The following NRXN1 variants were observed in gnomAD, a reference collection of about 807,000 sequenced individuals.
NRXN1 encodes neurexin-1.
Under a neutral mutation model 150.9 loss-of-function variants are expected in NRXN1, and 39 were observed. The ratio of observed to expected loss-of-function variants is 0.26; its 90% CI spans 0.20 to 0.34. NRXN1 has a LOEUF of 0.34. Ranked by LOEUF, NRXN1 falls within the 10% of genes least tolerant of loss-of-function variation. NRXN1 has a pLI of 1.00. For missense variants in NRXN1, 1,815 were observed against 1,949.9 expected, an observed-to-expected ratio of 0.93 and a Z score of 1.30; for synonymous variants, 924 against 757.0, an observed-to-expected ratio of 1.22 and a Z score of -3.62.
intron 17 of NRXN1, among the ~76,000 whole-genome samples, chr2:50,349,405 T>C (rs780543427): frequency 1.3e-5 from 2 of 152,216 alleles, no homozygotes; most frequent in Non-Finnish European, 2.9e-5. Context: ...TCGTGATTAT[T>C]CGTTTTAAAA....
chr2:50,527,810 T>C (rs948276132), intron 12 of NRXN1, among the ~76,000 whole-genome samples: 2 of 152,158 alleles, frequency 1.3e-5, no homozygotes, highest in African/African-American at 4.8e-5. Context: ...CAGTGAGAGA[T>C]TAGAAATTTG....
intron 8 of NRXN1, among the ~76,000 whole-genome samples, chr2:50,599,549 A>T (rs1300322102): frequency 1.3e-5 from 2 of 152,232 alleles, no homozygotes; most frequent in African/African-American, 2.4e-5. Context: ...TTCCAAAGAC[A>T]TAATGAGTAT....
At chr2:50,799,791 T>C (rs1030886590) in intron 5 of NRXN1, among the ~76,000 whole-genome samples, 7 of 152,158 alleles carry the variant, frequency 4.6e-5, no homozygotes, top group Non-Finnish European at 8.8e-5. Context: ...CACTGGGCTG[T>C]AACTCCATGG....
intron 2 of NRXN1, among the ~76,000 whole-genome samples, chr2:50,996,050 T>C (rs1270549942): frequency 6.6e-6 from 1 of 152,202 alleles, no homozygotes; most frequent in Admixed American, 6.5e-5. Context: ...GTGGAATATC[T>C]ATGACTTTGA....
At chr2:50,943,197 C>T (rs561233574) in intron 2 of NRXN1, among the ~76,000 whole-genome samples, 42 of 152,248 alleles carry the variant, frequency 2.8e-4, no homozygotes, top group African/African-American at 9.9e-4. Flanking sequence ...CCATGAGGAA[C>T]TGTAAGTCAA....
chr2:50,150,238 C>A (rs993231211), intron 18 of NRXN1, among the ~76,000 whole-genome samples: 8 of 151,812 alleles, frequency 5.3e-5, no homozygotes, highest in Non-Finnish European at 1.0e-4. Flanking sequence ...ACAAGCACAA[C>A]AATGGATGGA....
chr2:50,267,179 C>A (rs1250466041), intron 17 of NRXN1, among the ~76,000 whole-genome samples: 2 of 152,102 alleles, frequency 1.3e-5, no homozygotes, highest in Non-Finnish European at 2.9e-5. Flanking sequence ...AAGAAAGGTA[C>A]AAGGAAAAGC....
At position 51,026,071 on chromosome 2, in the gene NRXN1, T is replaced by A. The variant is rs150719679; in HGVS notation, c.772+1431A>T. 2.5e-3 allele frequency among the ~76,000 whole-genome samples: 385 copies of A among 152,312 alleles called. 5 individuals carry two copies. The East Asian group carries it at 0.048, about 19-fold the overall frequency. On this transcript the variant is annotated intron_variant, in intron 2 of 22. Coordinates refer to ENST00000401669, the MANE Select transcript of NRXN1 (RefSeq NM_001330078.2). The stretch of plus-strand genomic sequence containing the variant: ...AATTACAAATCTTATCAAGTCTTCA[T>A]TTCTCTTAAAGTCAAGTGAGAGAGA...
chr2:50,905,104 A>C (rs1358593012), intron 5 of NRXN1, among the ~76,000 whole-genome samples: 1 of 152,014 alleles, frequency 6.6e-6, no homozygotes, highest in Non-Finnish European at 1.5e-5. Flanking sequence ...TCTTTTCCTC[A>C]TATTATCATC....
chr2:50,363,680 T>C (rs1380198912), intron 17 of NRXN1, among the ~76,000 whole-genome samples: 1 of 152,234 alleles, frequency 6.6e-6, no homozygotes, highest in Non-Finnish European at 1.5e-5. Context: ...GAAGACAGTG[T>C]GGCGATTCCT....
rs147119473 is a variant in NRXN1, at chr2:50,334,604, C to T, written c.3365-97634G>A. On this transcript the variant is annotated intron_variant, in intron 17 of 22. Transcript: ENST00000401669. ...TCCTATTTCCCAAATGGCAGGCACTCCATCACAAGGGTCTCCAAAATTCTC... is the reference window on the plus strand; with the variant it reads ...TCCTATTTCCCAAATGGCAGGCACTTCATCACAAGGGTCTCCAAAATTCTC... Among the ~76,000 whole-genome samples the T allele has an allele frequency of 7.2e-5, 11 of 152,244 alleles. No individual in the cohort carries two copies. The East Asian group carries it at 2.1e-3, about 29-fold the overall frequency.
intron 13 of NRXN1, among the ~76,000 whole-genome samples, chr2:50,505,793 C>A (rs1413865168): frequency 1.3e-5 from 2 of 152,090 alleles, no homozygotes; most frequent in Non-Finnish European, 2.9e-5. Context: ...GTGCTTTTTA[C>A]CAGAATAATT....
chr2:50,877,089 C>G lies in NRXN1; in HGVS notation c.832+44780G>C, dbSNP rs189098050. ...TCTCTTTCTTCCTGTTAAAACTTTA[C>G]TAACTCATCTAAAGGATGGTGTCCT... On this transcript the variant is annotated intron_variant, in intron 5 of 22. Coordinates refer to ENST00000401669, the MANE Select transcript of NRXN1 (RefSeq NM_001330078.2). Among the ~76,000 whole-genome samples, 303 of 151,808 alleles carry G rather than the reference C, an allele frequency of 2.0e-3. 2 individuals carry two copies. Among genetic ancestry groups the G allele is most frequent in the African/African-American group, 6.7e-3 (278 of 41,442 alleles).
chr2:50,239,625 G>A (rs1157074139), intron 17 of NRXN1, among the ~76,000 whole-genome samples: 2 of 129,140 alleles, frequency 1.5e-5, no homozygotes, highest in African/African-American at 5.9e-5. Context: ...TTAATTGGCA[G>A]AGTTGGTATA....
chr2:50,639,293 T>C (rs938712250), intron 5 of NRXN1, among the ~76,000 whole-genome samples: 12 of 150,144 alleles, frequency 8.0e-5, no homozygotes, highest in African/African-American at 2.5e-4. Flanking sequence ...TGATCTCAGC[T>C]CATTGCAATC....
At chr2:50,755,515 G>A (rs1006067234) in intron 5 of NRXN1, among the ~76,000 whole-genome samples, 3 of 151,682 alleles carry the variant, frequency 2.0e-5, no homozygotes, top group Admixed American at 2.0e-4. Flanking sequence ...GGCCATAAGA[G>A]CCTGTGATCC....
chr2:50,055,629 A>T (rs545691653), intron 19 of NRXN1, among the ~76,000 whole-genome samples: 61 of 152,340 alleles, frequency 4.0e-4, no homozygotes, highest in Non-Finnish European at 6.9e-4. Context: ...AAATTGATTT[A>T]TCAATCACTT....
intron 2 of NRXN1, among the ~76,000 whole-genome samples, chr2:50,960,562 T>G (rs561380899): frequency 6.6e-6 from 1 of 152,032 alleles, no homozygotes; most frequent in African/African-American, 2.4e-5. Flanking sequence ...TATTATCACC[T>G]ACATGGAGGA....
At chr2:50,304,727 T>A (rs921766659) in intron 17 of NRXN1, among the ~76,000 whole-genome samples, 1 of 152,184 alleles carries the variant, frequency 6.6e-6, no homozygotes, top group African/African-American at 2.4e-5. Context: ...ATTCTAAGAC[T>A]TATGAAATGG....
Sources: allele counts gnomAD v4.1 joint callset (sites outside exome capture counted in the v4.1 genomes callset), GRCh38; gene constraint gnomAD v4.1.1; transcripts MANE v1.5; gene names NCBI Gene and HGNC (gene_info 2026-07-23, HGNC 2026-07-21).